FBXO21: variants seen among roughly 807,000 people sequenced by gnomAD.
FBXO21 encodes F-box only protein 21.
A neutral mutation model predicts 76.6 loss-of-function variants in FBXO21; 32 were observed. The observed-to-expected ratio is 0.42, with a 90% CI of 0.32 to 0.56. The LOEUF (loss-of-function observed/expected upper bound fraction) is 0.56, where lower values mean the gene tolerates loss of function less well. Among genes scored for constraint, FBXO21 ranks in the 20% least tolerant of loss-of-function variants. The pLI is 0.16. For synonymous variants in FBXO21, 328 were observed against 311.5 expected (o/e 1.05, Z -0.56); for missense variants, 586 against 797.3 (o/e 0.73, Z 3.19).
At chr12:117,188,807 GAGA>G (rs1956314806) in intron 2 of FBXO21, 1 of 188,130 alleles carries the variant, frequency 5.3e-6, no homozygotes, top group Non-Finnish European at 1.1e-5. Context: ...CAAAGCCAGA[GAGA>G]AGAACCACAT....
At chr12:117,166,788 G>T (rs1956057995) in intron 8 of FBXO21, 110 bp downstream of exon 8, 4 of 812,936 alleles carry the variant, frequency 4.9e-6, no homozygotes, top group Non-Finnish European at 8.1e-6. Context: ...AACTTCTTAG[G>T]GTCTACTGCA....
chr12:117,165,088 T>C (rs1956036823), intron 9 of FBXO21, among the ~76,000 whole-genome samples: 1 of 152,236 alleles, frequency 6.6e-6, no homozygotes, highest in East Asian at 1.9e-4. Flanking sequence ...GATCCAATTT[T>C]CCTGTGAAAA....
chr12:117,165,214 C>T (rs1403846500), intron 9 of FBXO21, among the ~76,000 whole-genome samples: 2 of 152,082 alleles, frequency 1.3e-5, no homozygotes, highest in Admixed American at 6.6e-5. Context: ...GATCTGAGGG[C>T]CCCAGTGGTT....
intron 7 of FBXO21, among the ~76,000 whole-genome samples, chr12:117,171,132 G>A (rs1388960273): frequency 6.6e-6 from 1 of 152,032 alleles, no homozygotes; most frequent in Non-Finnish European, 1.5e-5. Flanking sequence ...GGGAGGCTGA[G>A]GCAGGCGGAT....
At position 117,174,634 on chromosome 12, in the gene FBXO21, C is replaced by G. The variant is rs1432969646; in HGVS notation, c.739+17G>C. 6.2e-7 allele frequency: 1 copy of G among 1,612,922 alleles called. No individual in the cohort carries two copies. The highest frequency in any genetic ancestry group is 1.1e-5 in the South Asian group (1 of 90,824). On this transcript the variant is annotated intron_variant, in intron 5 of 11. Transcript: ENST00000622495. ...TTTTCTTTCATAAATACAGCTGGAT[C>G]CAAAGCAATGCCACACCTGCCTTGA...
intron 1 of FBXO21, 65 bp downstream of exon 1, chr12:117,190,153 G>C: frequency 1.1e-6 from 1 of 901,234 alleles, no homozygotes; most frequent in South Asian, 5.0e-5. Flanking sequence ...TAGCGGGGCG[G>C]CTGCCCGGCC....
intron 3 of FBXO21, among the ~76,000 whole-genome samples, chr12:117,184,463 A>G (rs1053343643): frequency 1.3e-5 from 2 of 152,208 alleles, no homozygotes; most frequent in Admixed American, 6.5e-5. Flanking sequence ...TCTATAGGAA[A>G]ATTATGTAGG....
intron 4 of FBXO21, among the ~76,000 whole-genome samples, chr12:117,176,135 C>T (rs1289825742): frequency 2.0e-5 from 3 of 152,156 alleles, no homozygotes; most frequent in Non-Finnish European, 4.4e-5. Context: ...GATCCTAACA[C>T]AAGGACCACA....
At chr12:117,156,085 C>T (rs1353055716) in intron 10 of FBXO21, 137 bp from the exon 11 acceptor site, 8 of 706,756 alleles carry the variant, frequency 1.1e-5, no homozygotes, top group Non-Finnish European at 1.9e-5. Context: ...ACACCCCTAA[C>T]CCCTTTTATA....
chr12:117,169,396 C>A (rs945241425), intron 7 of FBXO21, among the ~76,000 whole-genome samples: 1 of 152,092 alleles, frequency 6.6e-6, no homozygotes, highest in African/African-American at 2.4e-5. Context: ...ATAATCTGCA[C>A]AACAAACCCC....
At chr12:117,155,665 G>T in intron 11 of FBXO21, 126 bp downstream of exon 11, 1 of 1,084,022 alleles carries the variant, frequency 9.2e-7, no homozygotes, top group African/African-American at 1.6e-5. Context: ...AAGGAGGCCG[G>T]CCATGGGGCG....
intron 3 of FBXO21, among the ~76,000 whole-genome samples, chr12:117,179,655 G>A (rs1055262340): frequency 1.3e-5 from 2 of 152,226 alleles, no homozygotes; most frequent in Non-Finnish European, 2.9e-5. Flanking sequence ...ATAGAAGGTA[G>A]TGCATTCTCC....
At chr12:117,186,379 T>C (rs1956283930) in intron 3 of FBXO21, 98 bp downstream of exon 3, 6 of 825,126 alleles carry the variant, frequency 7.3e-6, no homozygotes, top group South Asian at 5.9e-5. Flanking sequence ...CGTGAAATAT[T>C]TGGAATCACA....
chr12:117,152,536 A>C (rs955177), intron 11 of FBXO21, among the ~76,000 whole-genome samples: 1 of 98,922 alleles, frequency 1.0e-5, no homozygotes, highest in East Asian at 2.6e-4. Flanking sequence ...AAAAGGGGGG[A>C]AAAAAAATGA....
rs141460690 is a variant in FBXO21, at chr12:117,148,956, A to C, written c.1676-2679T>G. On this transcript the variant is annotated intron_variant, in intron 11 of 11. Coordinates refer to ENST00000622495, the MANE Select transcript of FBXO21 (RefSeq NM_015002.3). The stretch of plus-strand genomic sequence containing the variant: ...GATTTTCTCTTGGGAAAAATCAATA[A>C]ATGTTAAAAAACAAAATGCTGCAAA... Among the ~76,000 whole-genome samples, 296 of 152,284 alleles carry C rather than the reference A, an allele frequency of 1.9e-3. 2 individuals carry two copies. Among genetic ancestry groups the C allele is most frequent in the Middle Eastern group, 6.8e-3 (2 of 294 alleles).
chr12:117,149,009 C>T (rs769596731), intron 11 of FBXO21, among the ~76,000 whole-genome samples: 13 of 152,158 alleles, frequency 8.5e-5, no homozygotes, highest in East Asian at 1.9e-4. Context: ...GGCTAAGATG[C>T]CCTTTCCTGT....
At chr12:117,160,792 G>A (rs190883477) in intron 9 of FBXO21, among the ~76,000 whole-genome samples, 11 of 152,266 alleles carry the variant, frequency 7.2e-5, no homozygotes, top group Admixed American at 5.9e-4. Context: ...ATCACGTGCA[G>A]CTACTTTTTG....
chr12:117,185,035 G>A lies in FBXO21; in HGVS notation c.470+1442C>T, dbSNP rs980361517. On this transcript the variant is annotated intron_variant, in intron 3 of 11. Coordinates refer to ENST00000622495, the MANE Select transcript of FBXO21 (RefSeq NM_015002.3). ...GGACAATGTAAACAGAGGGAATGGGGAGGAAAAAGGAAACAGCATAAATAA... is the reference window on the plus strand; with the variant it reads ...GGACAATGTAAACAGAGGGAATGGGAAGGAAAAAGGAAACAGCATAAATAA... 3.3e-5 allele frequency among the ~76,000 whole-genome samples: 5 copies of A among 152,258 alleles called. No individual in the cohort carries two copies. The South Asian group carries it at 1.0e-3, about 32-fold the overall frequency.
chr12:117,167,066 T>C lies in FBXO21; in HGVS notation c.1025A>G (p.Asp342Gly). The C allele has an allele frequency of 6.2e-7, 1 of 1,613,900 alleles. No homozygotes were observed. The highest frequency in any genetic ancestry group is 1.3e-5 in the African/African-American group (1 of 75,042). ...ATCTATGTAGATGTAGTCAAAGATGTCCAGGGTCGCCCTATCCAAAGAGCC... is the reference window on the plus strand; with the variant it reads ...ATCTATGTAGATGTAGTCAAAGATGCCCAGGGTCGCCCTATCCAAAGAGCC... ...WCQGAEGATL[D>G]IFDYIYIDAF... The change falls in exon 8 of 12, where the codon GAC becomes GGC. Residue 342 changes from aspartate (D) to glycine (G), a missense_variant. Transcript: ENST00000622495.
Sources: gnomAD v4.1 joint callset for allele counts (sites outside exome capture counted in the v4.1 genomes callset) on GRCh38, gnomAD v4.1.1 for gene constraint, MANE v1.5 for transcripts, NCBI Gene and HGNC (gene_info 2026-07-23, HGNC 2026-07-21) for gene names.